SNX24: variants seen among roughly 807,000 people sequenced by gnomAD.
SNX24 encodes sorting nexin-24.
Under a neutral mutation model 28.7 loss-of-function variants are expected in SNX24, and 22 were observed. The ratio of observed to expected loss-of-function variants is 0.77; its 90% CI spans 0.55 to 1.10. The LOEUF (loss-of-function observed/expected upper bound fraction) is 1.10. SNX24 is among the 50% of genes least tolerant of loss of function. The pLI is 0.00. For missense variants in SNX24, 221 were observed against 201.1 expected (o/e 1.10, Z -0.60); for synonymous variants, 69 against 71.5 (o/e 0.96, Z 0.18).
chr5:122,979,514 C>A (rs539237660), intron 3 of SNX24, among the ~76,000 whole-genome samples: 11 of 152,176 alleles, frequency 7.2e-5, no homozygotes, highest in Non-Finnish European at 1.5e-4. Context: ...GTTTGGAAAC[C>A]GTGCATACCT....
chr5:122,846,715 G>A (rs1360006437), intron 1 of SNX24, among the ~76,000 whole-genome samples: 1 of 152,168 alleles, frequency 6.6e-6, no homozygotes, highest in Non-Finnish European at 1.5e-5. Context: ...ATGAAAAACA[G>A]TGATTGAAAA....
intron 3 of SNX24, among the ~76,000 whole-genome samples, chr5:122,967,794 G>A (rs1001022273): frequency 2.0e-5 from 3 of 152,072 alleles, no homozygotes; most frequent in African/African-American, 7.2e-5. Flanking sequence ...AGGCACACAT[G>A]GCTTACCAGG....
At chr5:122,856,045 G>C (rs541197894) in intron 1 of SNX24, among the ~76,000 whole-genome samples, 1 of 152,144 alleles carries the variant, frequency 6.6e-6, no homozygotes, top group African/African-American at 2.4e-5. Flanking sequence ...GGAGTTTGGC[G>C]TACAGATTAT....
chr5:122,888,503 A>G (rs186240989), intron 1 of SNX24, among the ~76,000 whole-genome samples: 45 of 152,344 alleles, frequency 3.0e-4, no homozygotes, highest in Middle Eastern at 3.4e-3. Context: ...GATTTCAATA[A>G]GTTATTGCTC....
At chr5:122,940,557 C>A (rs1759396405) in intron 2 of SNX24, among the ~76,000 whole-genome samples, 1 of 152,042 alleles carries the variant, frequency 6.6e-6, no homozygotes, top group Non-Finnish European at 1.5e-5. Flanking sequence ...ACCAAAAATA[C>A]AGTGGCTTAA....
At position 122,996,229 on chromosome 5, in the gene SNX24, GAGAT is replaced by G. The variant is rs1237479322; in HGVS notation, c.250-3679_250-3676del. 2.0e-5 allele frequency among the ~76,000 whole-genome samples: 3 copies of G among 152,296 alleles called. No homozygotes were observed. In the East Asian group the frequency reaches 5.8e-4, roughly 29 times the overall value. On this transcript the variant is annotated intron_variant, in intron 3 of 6. Coordinates refer to ENST00000261369, the MANE Select transcript of SNX24 (RefSeq NM_014035.4). Reference sequence around the variant, plus strand: ...CTCCAGTGGGATTCTAATTGACAAAGAGATAGAAAACTGAAACAAGAAGGCCAGC... The same window carrying G: ...CTCCAGTGGGATTCTAATTGACAAAGAGAAAACTGAAACAAGAAGGCCAGC...
chr5:122,937,817 A>T (rs1759242049), intron 2 of SNX24, among the ~76,000 whole-genome samples: 1 of 152,194 alleles, frequency 6.6e-6, no homozygotes, highest in Admixed American at 6.5e-5. Flanking sequence ...GTGACTTTAC[A>T]AAAGCACCAA....
At chr5:123,011,747 G>A (rs946975566), downstream of SNX24, among the ~76,000 whole-genome samples, 2 of 152,212 alleles carry the variant, frequency 1.3e-5, no homozygotes, top group African/African-American at 4.8e-5. Flanking sequence ...AATGGTTGCA[G>A]CCTCTGTGGG....
intron 1 of SNX24, among the ~76,000 whole-genome samples, chr5:122,855,877 G>A (rs985069060): frequency 1.3e-5 from 2 of 152,168 alleles, no homozygotes; most frequent in African/African-American, 2.4e-5. Context: ...GGAATAGTGA[G>A]GCCTAAGGAG....
At chr5:122,938,146 C>T (rs1759260063) in intron 2 of SNX24, among the ~76,000 whole-genome samples, 2 of 152,150 alleles carry the variant, frequency 1.3e-5, no homozygotes, top group South Asian at 4.1e-4. Flanking sequence ...CCACACCAGG[C>T]ACAGCTGGGT....
chr5:122,876,292 G>A (rs78507968), intron 1 of SNX24, among the ~76,000 whole-genome samples: 1,997 of 152,272 alleles, frequency 0.013, 40 homozygotes, highest in African/African-American at 0.031. Context: ...TTTGCCTAGA[G>A]ATGTATTCAT....
chr5:122,974,993 T>C (rs1474131866), intron 3 of SNX24, among the ~76,000 whole-genome samples: 1 of 152,182 alleles, frequency 6.6e-6, no homozygotes, highest in Non-Finnish European at 1.5e-5. Context: ...ACTCCATTAA[T>C]TACCTGACCT....
chr5:122,913,435 CG>C (rs1209540546), intron 1 of SNX24, among the ~76,000 whole-genome samples: 5 of 149,044 alleles, frequency 3.4e-5, no homozygotes, highest in Middle Eastern at 3.4e-3. Context: ...GCTGGCCGGG[CG>C]GGGGGCTGAC....
chr5:123,028,966 A>G, intron 5 of SNX24: 2 of 1,088,344 alleles, frequency 1.8e-6, no homozygotes, highest in Non-Finnish European at 2.7e-6. Flanking sequence ...AAAATTAAAC[A>G]AAATGCCTAC....
At chr5:122,892,838 G>A (rs1212924258) in intron 1 of SNX24, among the ~76,000 whole-genome samples, 20 of 151,578 alleles carry the variant, frequency 1.3e-4, no homozygotes, top group Non-Finnish European at 2.9e-4. Flanking sequence ...GCTCGATCTC[G>A]GCTCACTGCA....
At chr5:122,860,422 G>T (rs994959931) in intron 1 of SNX24, among the ~76,000 whole-genome samples, 1 of 152,110 alleles carries the variant, frequency 6.6e-6, no homozygotes, top group African/African-American at 2.4e-5. Flanking sequence ...CTGGCTCATG[G>T]TCCTAGCTCA....
intron 5 of SNX24, among the ~76,000 whole-genome samples, chr5:123,014,511 C>T (rs1038155510): frequency 1.3e-5 from 2 of 151,848 alleles, no homozygotes; most frequent in Non-Finnish European, 2.9e-5. Flanking sequence ...TAAATCAGAA[C>T]TAGTATTGCA....
chr5:122,992,353 C>A (rs1435664328), intron 3 of SNX24, among the ~76,000 whole-genome samples: 3 of 152,172 alleles, frequency 2.0e-5, no homozygotes, highest in Admixed American at 6.5e-5. Flanking sequence ...TAAGATCACT[C>A]AATGACTCCC....
intron 1 of SNX24, among the ~76,000 whole-genome samples, chr5:122,867,166 C>T (rs1198907073): frequency 6.6e-6 from 1 of 152,198 alleles, no homozygotes; most frequent in African/African-American, 2.4e-5. Context: ...CTTCAAAAGG[C>T]CATTCCATCA....
Sources: allele counts gnomAD v4.1 joint callset (sites outside exome capture counted in the v4.1 genomes callset), GRCh38; gene constraint gnomAD v4.1.1; transcripts MANE v1.5; gene names NCBI Gene and HGNC (gene_info 2026-07-23, HGNC 2026-07-21).